Variants in NET1 observed in about 807,000 individuals in gnomAD.
NET1 encodes the protein neuroepithelial cell transforming 1, also known as neuroepithelial cell-transforming gene 1 protein.
In NET1, 42 loss-of-function variants were observed where a neutral mutation model predicts 61.1. The ratio of observed to expected loss-of-function variants is 0.69; its 90% confidence interval spans 0.54 to 0.89. NET1 has a LOEUF of 0.89. Ranked by LOEUF, NET1 falls within the 40% of genes least tolerant of loss-of-function variation. The pLI is 0.00. For missense variants in NET1, 654 were observed against 747.3 expected, an observed-to-expected ratio of 0.88 and a Z score of 1.46; for synonymous variants, 254 against 281.8, an observed-to-expected ratio of 0.90 and a Z score of 0.99.
Position 5,417,132 on chromosome 10 carries a change from G to A in NET1, c.128+4312G>A, listed in dbSNP as rs538360752. Among the ~76,000 whole-genome samples the A allele has an allele frequency of 3.3e-5, 5 of 151,242 alleles. No homozygotes were observed. The highest frequency in any genetic ancestry group is 1.9e-4 in the East Asian group (1 of 5,166). On this transcript the variant is annotated intron_variant, in intron 1 of 11. Coordinates refer to ENST00000355029, the MANE Select transcript of NET1 (RefSeq NM_001047160.3). The surrounding 1 kb of genome is among the most constrained non-coding windows in gnomAD (Gnocchi z 5.5). Reference sequence around the variant, plus strand: ...TCCAACCTCCCTGGCCAAGCTCTGCGTCATTCTGCGAATCGATGGCCTGCC... The same window carrying A: ...TCCAACCTCCCTGGCCAAGCTCTGCATCATTCTGCGAATCGATGGCCTGCC...
intron 3 of NET1, among the ~76,000 whole-genome samples, chr10:5,445,464 AT>A (rs150546794): frequency 4.4e-4 from 66 of 151,452 alleles, no homozygotes; most frequent in African/African-American, 7.3e-4. Context: ...TATGAAGCCT[AT>A]TTTTTTTTAT....
At position 5,452,291 on chromosome 10, in the gene NET1, G is replaced by T; in HGVS notation, c.364-67G>T. On this transcript the variant is annotated intron_variant, in intron 4 of 11. Transcript: ENST00000355029. This position sits in a 1 kb window ranked among gnomAD's most constrained non-coding sequence, Gnocchi z 4.0. ...TGTCTTTCTTCACTTTAAAAAAAAA[G>T]AAAATGGGAATAATTCTATTTCTTC... 7.5e-7 allele frequency: 1 copy of T among 1,327,748 alleles called. No homozygotes were observed. Among genetic ancestry groups the T allele is most frequent in the Non-Finnish European group, 9.9e-7 (1 of 1,010,956 alleles). 82.2% of individuals were successfully genotyped at this position (1,327,748 alleles called of 1,614,324 possible).
chr10:5,452,445 A>G lies in NET1; in HGVS notation c.451A>G (p.Arg151Gly), dbSNP rs552295716. Residue 151 changes from arginine (R) to glycine (G), a missense_variant, in exon 5 of 12, where the codon AGG becomes GGG. Coordinates refer to ENST00000355029, the MANE Select transcript of NET1 (RefSeq NM_001047160.3). This position sits in a 1 kb window ranked among gnomAD's most constrained non-coding sequence, Gnocchi z 4.0. ...RSTVPTPAKR[R>G]SSALWSEMLD... ...AACAGTCCCAACACCCGCCAAGAGA[A>G]GGAGCAGTGCACTGTGGTCAGAGAT... 25 of 1,614,192 alleles carry G rather than the reference A, an allele frequency of 1.5e-5. No individual in the cohort carries two copies. In the South Asian group the frequency reaches 2.7e-4, roughly 18 times the overall value.
rs938160438 is a variant in NET1 at position 5,422,753 on chromosome 10, G to A, written c.129-3902G>A. On this transcript the variant is annotated intron_variant, in intron 1 of 11. Coordinates refer to ENST00000355029, the MANE Select transcript of NET1 (RefSeq NM_001047160.3). The surrounding 1 kb of genome is among the most constrained non-coding windows in gnomAD (Gnocchi z 4.1). ...GATAGGAGACATAGTCTACATGATT[G>A]TCAGAAGTGGAAGAAGAGACAACTC... Among the ~76,000 whole-genome samples the A allele has an allele frequency of 3.9e-5, 6 of 152,198 alleles. No individual in the cohort carries two copies. The highest frequency in any genetic ancestry group is 1.4e-4 in the African/African-American group (6 of 41,440).
chr10:5,455,152 T>C lies in NET1; in HGVS notation c.1197+34T>C. 6.2e-7 allele frequency: 1 copy of C among 1,601,832 alleles called. No individual in the cohort carries two copies. The highest frequency in any genetic ancestry group is 8.5e-7 in the Non-Finnish European group (1 of 1,170,628). Reference sequence around the variant, plus strand: ...CTTTTGCTGCCGTGGCAGAGCAGCCTTCCCTCCTGCCTCTTTAACTTTTAC... The same window carrying C: ...CTTTTGCTGCCGTGGCAGAGCAGCCCTCCCTCCTGCCTCTTTAACTTTTAC... On this transcript the variant is annotated intron_variant, in intron 10 of 11. Transcript: ENST00000355029. This position sits in a 1 kb window ranked among gnomAD's most constrained non-coding sequence, Gnocchi z 6.5.
At position 5,456,405 on chromosome 10, in the gene NET1, A is replaced by G. The variant is rs1832798273; in HGVS notation, c.1384+132A>G. ...ACTTGTTACATCCATTGAGTTGTCC[A>G]GGCCTTCCCAGCTCGAACACCCGCA... On this transcript the variant is annotated intron_variant, in intron 11 of 11. Coordinates refer to ENST00000355029, the MANE Select transcript of NET1 (RefSeq NM_001047160.3). This position sits in a 1 kb window ranked among gnomAD's most constrained non-coding sequence, Gnocchi z 7.0. The G allele has an allele frequency of 9.4e-7, 1 of 1,064,570 alleles. No individual in the cohort carries two copies. The highest frequency in any genetic ancestry group is 1.3e-6 in the Non-Finnish European group (1 of 757,310). The allele number at this position is 1,064,570 out of a possible 1,614,324, so 65.9% of individuals were successfully genotyped here.
Position 5,412,601 on chromosome 10 carries a change from C to A in NET1, c.-92C>A, listed in dbSNP as rs1286456097. On this transcript the variant is annotated 5_prime_UTR_variant, in exon 1 of 12. Coordinates refer to ENST00000355029, the MANE Select transcript of NET1 (RefSeq NM_001047160.3). The surrounding 1 kb of genome is among the most constrained non-coding windows in gnomAD (Gnocchi z 6.5). The stretch of plus-strand genomic sequence containing the variant: ...GTGGCGGCTGCAGTCCGCTGACAGG[C>A]GCTTTCTGCCTGGCAGAGGCTGGCG... 3 of 1,341,130 alleles carry A rather than the reference C, an allele frequency of 2.2e-6. No homozygotes were observed. Among genetic ancestry groups the A allele is most frequent in the South Asian group, 3.1e-5 (2 of 63,768 alleles). 83.1% of individuals were successfully genotyped at this position (1,341,130 alleles called of 1,614,324 possible).
In NET1 at chr10:5,429,167, T is replaced by C. The variant is rs1408316921; in HGVS notation, c.196-3T>C. 2 of 1,605,336 alleles carry C rather than the reference T, an allele frequency of 1.2e-6. No individual in the cohort carries two copies. The highest frequency in any genetic ancestry group is 2.2e-5 in the East Asian group (1 of 44,772). Reference sequence around the variant, plus strand: ...GAGAATGAAATCTCTATTTTTCTTTTAGAAAAGAAAACGCAGAGAGAAAGA... The same window carrying C: ...GAGAATGAAATCTCTATTTTTCTTTCAGAAAAGAAAACGCAGAGAGAAAGA... On this transcript the variant is annotated splice_region_variant and splice_polypyrimidine_tract_variant and intron_variant, in intron 2 of 11. Transcript: ENST00000355029.
Position 5,456,564 on chromosome 10 carries a change from T to C in NET1, c.1385-24T>C. 2 of 1,516,270 alleles carry C rather than the reference T, an allele frequency of 1.3e-6. No individual in the cohort carries two copies. The highest frequency in any genetic ancestry group is 1.8e-6 in the Non-Finnish European group (2 of 1,133,008). The allele number at this position is 1,516,270 out of a possible 1,614,324, so 93.9% of individuals were successfully genotyped here. A position where few individuals can be genotyped will look rare whatever the true frequency, so the allele number is the denominator to read the frequency against. ...AACCTTTTTTTAGCCTGATTTCTTT[T>C]TTTTTTCCAATTTTTTTTTTCAGCT... On this transcript the variant is annotated intron_variant, in intron 11 of 11. Coordinates refer to ENST00000355029, the MANE Select transcript of NET1 (RefSeq NM_001047160.3). This position sits in a 1 kb window ranked among gnomAD's most constrained non-coding sequence, Gnocchi z 7.0.
At chr10:5,436,250 T>TA (rs1564462840) in intron 3 of NET1, among the ~76,000 whole-genome samples, 143 of 8,446 alleles carry the variant, frequency 0.017, no homozygotes, top group South Asian at 0.028. Context: ...ATATATATAT[T>TA]TTTTTTTTTT....
Position 5,412,575 on chromosome 10 carries a change from G to A in NET1, c.-118G>A, listed in dbSNP as rs962083936. ...CATTTTCAAATCCCCGGATGACGGC[G>A]GTGGCGGCTGCAGTCCGCTGACAGG... On this transcript the variant is annotated 5_prime_UTR_variant, in exon 1 of 12. Coordinates refer to ENST00000355029, the MANE Select transcript of NET1 (RefSeq NM_001047160.3). This position sits in a 1 kb window ranked among gnomAD's most constrained non-coding sequence, Gnocchi z 6.5. The A allele has an allele frequency of 2.8e-6, 3 of 1,083,728 alleles. No homozygotes were observed. Among genetic ancestry groups the A allele is most frequent in the Non-Finnish European group, 3.7e-6 (3 of 802,820 alleles). The allele number at this position is 1,083,728 out of a possible 1,614,324, so 67.1% of individuals were successfully genotyped here.
Position 5,451,514 on chromosome 10 carries a change from A to T in NET1, c.256-316A>T, listed in dbSNP as rs879285862. ...TCATAACAATAAGGCTTTTTTTTAA[A>T]AAAAAAAAAAGTTATTCCCTGCATT... On this transcript the variant is annotated intron_variant, in intron 3 of 11. Coordinates refer to ENST00000355029, the MANE Select transcript of NET1 (RefSeq NM_001047160.3). The surrounding 1 kb of genome is among the most constrained non-coding windows in gnomAD (Gnocchi z 6.1). 4.6e-5 allele frequency among the ~76,000 whole-genome samples: 7 copies of T among 151,166 alleles called. No homozygotes were observed. Among genetic ancestry groups the T allele is most frequent in the Non-Finnish European group, 8.8e-5 (6 of 67,798 alleles).
chr10:5,428,977 G>GC (rs1234107454), intron 2 of NET1, among the ~76,000 whole-genome samples, 193 bp from the exon 3 acceptor site: 19 of 150,182 alleles, frequency 1.3e-4, no homozygotes, highest in South Asian at 1.1e-3. Flanking sequence ...CAGACGATCC[G>GC]CCCTCCTCAG....
At position 5,452,577 on chromosome 10, in the gene NET1, C is replaced by A; in HGVS notation, c.531+52C>A. The A allele has an allele frequency of 6.5e-7, 1 of 1,535,582 alleles. No individual in the cohort carries two copies. Among genetic ancestry groups the A allele is most frequent in the Non-Finnish European group, 8.8e-7 (1 of 1,131,040 alleles). ...TTCCCAAAAGAACAGCAAATTGATG[C>A]CGATGGCAAAATTAACTTGGATTTT... On this transcript the variant is annotated intron_variant, in intron 5 of 11. Transcript: ENST00000355029. This position sits in a 1 kb window ranked among gnomAD's most constrained non-coding sequence, Gnocchi z 4.0.
chr10:5,440,035 G>A lies in NET1; in HGVS notation c.255+10806G>A, dbSNP rs1041425328. ...GATCCCAGAAAGCCTCAGGCCGTTG[G>A]ATCTATTAAAACTTTTCCAACATGG... On this transcript the variant is annotated intron_variant, in intron 3 of 11. Coordinates refer to ENST00000355029, the MANE Select transcript of NET1 (RefSeq NM_001047160.3). The surrounding 1 kb of genome is among the most constrained non-coding windows in gnomAD (Gnocchi z 4.1). 1.3e-5 allele frequency among the ~76,000 whole-genome samples: 2 copies of A among 152,188 alleles called. No homozygotes were observed. The highest frequency in any genetic ancestry group is 4.8e-5 in the African/African-American group (2 of 41,434).
Position 5,446,814 on chromosome 10 carries a change from A to G in NET1, c.256-5016A>G. 1 of 1,612,284 alleles carries G rather than the reference A, an allele frequency of 6.2e-7. No homozygotes were observed. On this transcript the variant is annotated intron_variant, in intron 3 of 11. Coordinates refer to ENST00000355029, the MANE Select transcript of NET1 (RefSeq NM_001047160.3). The surrounding 1 kb of genome is among the most constrained non-coding windows in gnomAD (Gnocchi z 5.0). Reference sequence around the variant, plus strand: ...AGGTCTCCTACCTATTAAAAGGACCATACGAGTCCTAGATGTCAATAACCA... The same window carrying G: ...AGGTCTCCTACCTATTAAAAGGACCGTACGAGTCCTAGATGTCAATAACCA...
chr10:5,453,368 T>C lies in NET1; in HGVS notation c.691+22T>C, dbSNP rs775071499. The stretch of plus-strand genomic sequence containing the variant: ...GAAGGTTAGATGTGCCACTTAATTG[T>C]CATTAAATCTAAAGAGCAGCGGTGC... On this transcript the variant is annotated intron_variant, in intron 7 of 11. Coordinates refer to ENST00000355029, the MANE Select transcript of NET1 (RefSeq NM_001047160.3). This position sits in a 1 kb window ranked among gnomAD's most constrained non-coding sequence, Gnocchi z 4.9. The C allele has an allele frequency of 6.3e-7, 1 of 1,579,902 alleles. No individual in the cohort carries two copies. The highest frequency in any genetic ancestry group is 8.7e-7 in the Non-Finnish European group (1 of 1,148,788).
rs1832184031 is a variant in NET1, at chr10:5,422,137, G to T, written c.129-4518G>T. 6.6e-6 allele frequency among the ~76,000 whole-genome samples: 1 copy of T among 152,184 alleles called. No individual in the cohort carries two copies. Among genetic ancestry groups the T allele is most frequent in the Admixed American group, 6.5e-5 (1 of 15,282 alleles). On this transcript the variant is annotated intron_variant, in intron 1 of 11. Coordinates refer to ENST00000355029, the MANE Select transcript of NET1 (RefSeq NM_001047160.3). This position sits in a 1 kb window ranked among gnomAD's most constrained non-coding sequence, Gnocchi z 4.1. ...GCGGGTGGATCACCTGAGGTCAGGA[G>T]TTCGAGACCAGCCTGGTCAACATGG...
intron 3 of NET1, among the ~76,000 whole-genome samples, chr10:5,430,251 A>G (rs1832326800): frequency 1.3e-5 from 2 of 152,348 alleles, no homozygotes; most frequent in South Asian, 2.1e-4. Flanking sequence ...CCACAGTAAA[A>G]TACGTGGTCT....
Sources: gnomAD v4.1 joint callset for allele counts (sites outside exome capture counted in the v4.1 genomes callset) on GRCh38, gnomAD v4.1.1 for gene constraint, Gnocchi (gnomAD v3.1) non-coding constraint, MANE v1.5 for transcripts, NCBI Gene and HGNC (gene_info 2026-07-23, HGNC 2026-07-21) for gene names.